The following CSMD1 variants were observed in gnomAD, a reference collection of about 807,000 sequenced individuals.
CSMD1 encodes the protein CUB and Sushi multiple domains 1, also known as CUB and sushi domain-containing protein 1.
Under a neutral mutation model 417.5 loss-of-function variants are expected in CSMD1, and 213 were observed. The observed-to-expected ratio is 0.51, with a 90% CI of 0.46 to 0.57. The LOEUF is 0.57. CSMD1 is among the 20% of genes least tolerant of loss of function. The pLI is 0.00. For synonymous variants in CSMD1, 2,862 were observed against 1,736.8 expected (o/e 1.65, Z -16.11); for missense variants, 6,923 against 4,529.7 (o/e 1.53, Z -15.17).
intron 1 of CSMD1, among the ~76,000 whole-genome samples, chr8:4,702,863 G>T (rs75896987): frequency 6.6e-6 from 1 of 152,036 alleles, no homozygotes; most frequent in Non-Finnish European, 1.5e-5. Context: ...CATTATTAAA[G>T]AAAATTATTT....
intron 3 of CSMD1, among the ~76,000 whole-genome samples, chr8:4,284,485 A>G (rs1187125711): frequency 3.3e-5 from 5 of 150,306 alleles, no homozygotes; most frequent in African/African-American, 9.8e-5. Flanking sequence ...CTGTTTCCAC[A>G]TGTTGCTTTT....
chr8:4,279,049 C>T (rs10503248), intron 3 of CSMD1, among the ~76,000 whole-genome samples: 12,492 of 152,220 alleles, frequency 0.082, 661 homozygotes, highest in Non-Finnish European at 0.12. Context: ...TTTCCATAAA[C>T]ATCACTCTAC....
intron 11 of CSMD1, among the ~76,000 whole-genome samples, chr8:3,473,756 A>G (rs1216311805): frequency 2.0e-5 from 3 of 152,184 alleles, no homozygotes; most frequent in Non-Finnish European, 4.4e-5. Context: ...GTATGGGTGT[A>G]TCAGTCTACT....
chr8:3,754,153 T>G, intron 5 of CSMD1, 111 bp from the exon 6 acceptor site: 1 of 620,158 alleles, frequency 1.6e-6, no homozygotes, highest in Non-Finnish European at 2.9e-6. Context: ...TTGAGATGCT[T>G]AAAACAGAGG....
At chr8:3,389,586 A>T in intron 17 of CSMD1, among the ~76,000 whole-genome samples, 1 of 152,092 alleles carries the variant, frequency 6.6e-6, no homozygotes, top group East Asian at 1.9e-4. Flanking sequence ...GCACTACGGC[A>T]AAACAGTAAT....
At chr8:4,439,038 T>C (rs1798311233) in intron 2 of CSMD1, among the ~76,000 whole-genome samples, 1 of 152,188 alleles carries the variant, frequency 6.6e-6, no homozygotes, top group African/African-American at 2.4e-5. Flanking sequence ...ATATTCTTTT[T>C]AGTAATCTTA....
intron 4 of CSMD1, among the ~76,000 whole-genome samples, chr8:4,015,271 T>C (rs1164033683): frequency 6.6e-6 from 1 of 152,216 alleles, no homozygotes; most frequent in African/African-American, 2.4e-5. Context: ...AAAACACAGC[T>C]GTGTTTTAAA....
chr8:4,650,114 G>A (rs917555561), intron 1 of CSMD1, among the ~76,000 whole-genome samples: 3 of 152,128 alleles, frequency 2.0e-5, no homozygotes, highest in Non-Finnish European at 4.4e-5. Context: ...GGGAGGCCGA[G>A]GCGGGCGGAT....
At chr8:4,364,824 C>CA (rs60925117) in intron 3 of CSMD1, among the ~76,000 whole-genome samples, 2 of 84,918 alleles carry the variant, frequency 2.4e-5, no homozygotes, top group Non-Finnish European at 5.7e-5. Flanking sequence ...GACTCCTTCT[C>CA]AAAAAAAAAA....
At chr8:3,551,104 T>G (rs554002736) in intron 10 of CSMD1, among the ~76,000 whole-genome samples, 2 of 152,158 alleles carry the variant, frequency 1.3e-5, no homozygotes, top group African/African-American at 2.4e-5. Context: ...GTTAAGAGAG[T>G]AGACTTGACC....
intron 3 of CSMD1, among the ~76,000 whole-genome samples, chr8:4,233,812 A>C (rs1468135526): frequency 1.3e-5 from 2 of 152,156 alleles, no homozygotes; most frequent in African/African-American, 2.4e-5. Flanking sequence ...ATTTCATGAA[A>C]TTTCATTTGA....
chr8:4,958,575 C>T (rs112604351), intron 1 of CSMD1, among the ~76,000 whole-genome samples: 106 of 152,272 alleles, frequency 7.0e-4, no homozygotes, highest in Non-Finnish European at 1.4e-3. Context: ...ATTCTGACAG[C>T]TTCTTAAGCA....
chr8:4,716,797 T>A (rs1386845350), intron 1 of CSMD1, among the ~76,000 whole-genome samples: 1 of 152,194 alleles, frequency 6.6e-6, no homozygotes, highest in Non-Finnish European at 1.5e-5. Flanking sequence ...TGTCTCGCCT[T>A]TTTCCTTGCC....
At chr8:4,570,529 G>C (rs750091131) in intron 2 of CSMD1, among the ~76,000 whole-genome samples, 1 of 152,134 alleles carries the variant, frequency 6.6e-6, no homozygotes, top group Non-Finnish European at 1.5e-5. Flanking sequence ...TGCTGGATTT[G>C]ATTTGCCAGT....
intron 2 of CSMD1, among the ~76,000 whole-genome samples, chr8:4,602,735 C>G (rs1177014865): frequency 4.6e-5 from 7 of 152,116 alleles, no homozygotes; most frequent in Non-Finnish European, 1.0e-4. Context: ...CCACCAGCAT[C>G]TACAGATAAC....
At chr8:4,208,646 T>C (rs746680348) in intron 3 of CSMD1, among the ~76,000 whole-genome samples, 4 of 152,080 alleles carry the variant, frequency 2.6e-5, no homozygotes, top group Non-Finnish European at 4.4e-5. Context: ...TGATATGCAG[T>C]AGAATGACAT....
At chr8:3,018,067 G>C (rs1318643912) in intron 52 of CSMD1, among the ~76,000 whole-genome samples, 1 of 152,072 alleles carries the variant, frequency 6.6e-6, no homozygotes, top group Non-Finnish European at 1.5e-5. Flanking sequence ...CATTATTGTA[G>C]ACATATAGCA....
chr8:3,629,616 T>C (rs752490081), intron 7 of CSMD1, among the ~76,000 whole-genome samples: 8 of 152,236 alleles, frequency 5.3e-5, no homozygotes, highest in Non-Finnish European at 1.2e-4. Flanking sequence ...AGTCAATCTC[T>C]ATGATTCCTA....
chr8:4,113,483 C>A (rs1199010631), intron 3 of CSMD1, among the ~76,000 whole-genome samples: 1 of 147,970 alleles, frequency 6.8e-6, no homozygotes, highest in Non-Finnish European at 1.5e-5. Flanking sequence ...TGGCTCACTG[C>A]AACCTCTGCC....
Sources: gnomAD v4.1 joint callset for allele counts (sites outside exome capture counted in the v4.1 genomes callset) on GRCh38, gnomAD v4.1.1 for gene constraint, MANE v1.5 for transcripts, NCBI Gene and HGNC (gene_info 2026-07-23, HGNC 2026-07-21) for gene names.